Variants in GRIK3 observed in about 807,000 individuals in gnomAD.
GRIK3 encodes the protein glutamate ionotropic receptor kainate type subunit 3.
A neutral mutation model predicts 102.5 loss-of-function variants in GRIK3; 29 were observed. The observed-to-expected ratio is 0.28, with a 90% CI of 0.21 to 0.39. The LOEUF (loss-of-function observed/expected upper bound fraction) is 0.39. Ranked by LOEUF, GRIK3 falls within the 10% of genes least tolerant of loss-of-function variation. GRIK3 has a pLI of 1.00. For missense variants in GRIK3, 908 were observed against 1,252.4 expected, an observed-to-expected ratio of 0.73 and a Z score of 4.15; for synonymous variants, 511 against 504.9, an observed-to-expected ratio of 1.01 and a Z score of -0.16.
At chr1:36,832,078 GACTGCTCT>G (rs35349570) in intron 10 of GRIK3, among the ~76,000 whole-genome samples, 152,115 of 152,160 alleles carry the variant, frequency 1, 76,035 homozygotes, top group Middle Eastern at 1. Context: ...ACTCCCTGGC[GACTGCTCT>G]ACTGCTCTCA....
At chr1:36,925,339 G>A (rs1332571486) in intron 1 of GRIK3, among the ~76,000 whole-genome samples, 1 of 152,218 alleles carries the variant, frequency 6.6e-6, no homozygotes, top group Non-Finnish European at 1.5e-5. Flanking sequence ...ATCCCTCCTG[G>A]CAGAAGTACT....
chr1:36,957,015 C>A (rs1186842648), intron 1 of GRIK3, among the ~76,000 whole-genome samples: 2 of 152,270 alleles, frequency 1.3e-5, no homozygotes, highest in Non-Finnish European at 2.9e-5. Flanking sequence ...AGGAGCAAGA[C>A]CCCCTCTGCT....
intron 5 of GRIK3, among the ~76,000 whole-genome samples, chr1:36,864,338 T>C (rs1640759873): frequency 6.6e-6 from 1 of 152,202 alleles, no homozygotes; most frequent in African/African-American, 2.4e-5. Flanking sequence ...GGGCCAGGGC[T>C]GACCTGCTGC....
In GRIK3 at chr1:36,872,196, G is replaced by C. The variant is rs780455228; in HGVS notation, c.724C>G (p.Leu242Val). The C allele has an allele frequency of 6.3e-7, 1 of 1,593,134 alleles. No homozygotes were observed. The change falls in exon 4 of 16, where the codon CTC becomes GTC. Residue 242 changes from leucine to valine, a missense_variant. This residue lies in a region of GRIK3 where 585 missense variants were observed against 824.9 expected (regional missense o/e 0.71). Coordinates refer to ENST00000373091, the MANE Select transcript of GRIK3 (RefSeq NM_000831.4). This position sits in a 1 kb window ranked among gnomAD's most constrained non-coding sequence, Gnocchi z 5.9. ...DCSHTMAAQILKQAMAMGMMT... is the reference protein window; with the variant it reads ...DCSHTMAAQIVKQAMAMGMMT... The stretch of plus-strand genomic sequence containing the variant: ...GGCCAGCACTCACGCACCTGCTTGA[G>C]GATCTGGGCCGCCATAGTGTGGCTG...
intron 1 of GRIK3, among the ~76,000 whole-genome samples, chr1:36,917,972 T>C (rs556825029): frequency 3.2e-4 from 49 of 152,338 alleles, no homozygotes; most frequent in African/African-American, 1.2e-3. Flanking sequence ...GGCCAGCAGC[T>C]GCATTTGCAG....
intron 1 of GRIK3, among the ~76,000 whole-genome samples, chr1:36,990,144 C>G (rs552279068): frequency 6.6e-6 from 1 of 152,072 alleles, no homozygotes; most frequent in African/African-American, 2.4e-5. Context: ...TCCAGAAACC[C>G]GGACCTGCCT....
chr1:37,031,297 C>T (rs1216050838), intron 1 of GRIK3, among the ~76,000 whole-genome samples: 1 of 151,122 alleles, frequency 6.6e-6, no homozygotes, highest in East Asian at 1.9e-4. Context: ...CTCTCCCTCA[C>T]TCTCTTTTGT....
intron 1 of GRIK3, among the ~76,000 whole-genome samples, chr1:36,977,235 G>A (rs1016128462): frequency 1.3e-5 from 2 of 152,200 alleles, no homozygotes; most frequent in Non-Finnish European, 2.9e-5. Flanking sequence ...TCCTTATAGG[G>A]TAACAAATGA....
intron 13 of GRIK3, among the ~76,000 whole-genome samples, chr1:36,807,158 T>C (rs957730919): frequency 6.6e-6 from 1 of 152,014 alleles, no homozygotes; most frequent in African/African-American, 2.4e-5. Flanking sequence ...CACTGTTGCT[T>C]GAGCAGAATC....
intron 5 of GRIK3, among the ~76,000 whole-genome samples, chr1:36,864,357 A>C (rs745877120): frequency 6.6e-6 from 1 of 152,170 alleles, no homozygotes; most frequent in Non-Finnish European, 1.5e-5. Context: ...GCGACCATGG[A>C]AGAGAAGCTG....
At chr1:36,824,966 T>C (rs1642739706) in intron 11 of GRIK3, among the ~76,000 whole-genome samples, 1 of 152,172 alleles carries the variant, frequency 6.6e-6, no homozygotes, top group Non-Finnish European at 1.5e-5. Context: ...CAGAGCACAG[T>C]GCTTGGCGAG....
chr1:36,848,922 T>C (rs886795651), intron 9 of GRIK3, among the ~76,000 whole-genome samples: 18 of 149,366 alleles, frequency 1.2e-4, no homozygotes, highest in African/African-American at 3.8e-4. Flanking sequence ...GGGAAGAAGA[T>C]AGTAGGGGTC....
chr1:36,847,287 A>T (rs1208355996), intron 9 of GRIK3, among the ~76,000 whole-genome samples: 1 of 152,242 alleles, frequency 6.6e-6, no homozygotes, highest in African/African-American at 2.4e-5. Context: ...TAATGCCTCC[A>T]ATGGCCAGCT....
At chr1:36,874,371 G>A (rs1311932638) in intron 3 of GRIK3, among the ~76,000 whole-genome samples, 1 of 152,186 alleles carries the variant, frequency 6.6e-6, no homozygotes, top group Admixed American at 6.5e-5. Flanking sequence ...GCTTTGCCAT[G>A]ACTGGGCATC....
rs756128541 is a variant in GRIK3 at position 36,805,110 on chromosome 1, A to G, written c.2442T>C (p.Ser814=). 1.2e-6 allele frequency: 2 copies of G among 1,614,196 alleles called. No individual in the cohort carries two copies. The highest frequency in any genetic ancestry group is 1.7e-6 in the Non-Finnish European group (2 of 1,180,034). ...CCCCGATCTTCTGGATCCCCAGGGCACTGGCCTCTTTGTTTTCCTCCTCAG... is the reference window on the plus strand; with the variant it reads ...CCCCGATCTTCTGGATCCCCAGGGCGCTGGCCTCTTTGTTTTCCTCCTCAG... ...GCPEEENKEA[S]ALGIQKIGGI... The change falls in exon 15 of 16, where the codon AGT becomes AGC. Residue 814 remains serine (S), a synonymous_variant. Coordinates refer to ENST00000373091, the MANE Select transcript of GRIK3 (RefSeq NM_000831.4).
rs2124100066 is a variant in GRIK3 at position 37,034,233 on chromosome 1, C to T, written c.-125G>A. 5.7e-6 allele frequency: 1 copy of T among 176,172 alleles called. No homozygotes were observed. Among genetic ancestry groups the T allele is most frequent in the East Asian group, 1.7e-4 (1 of 5,872 alleles). 10.9% of individuals were successfully genotyped at this position (176,172 alleles called of 1,614,324 possible). A position where few individuals can be genotyped will look rare whatever the true frequency, so the allele number is the denominator to read the frequency against. ...GGCCCAGCCGCCCGGCTCCCGAGCG[C>T]CGCTGCAAGTGGGGGGCGCCCCGCG... On this transcript the variant is annotated 5_prime_UTR_variant, in exon 1 of 16. Transcript: ENST00000373091.
chr1:36,846,671 G>A (rs1232820263), intron 9 of GRIK3, among the ~76,000 whole-genome samples: 1 of 152,218 alleles, frequency 6.6e-6, no homozygotes, highest in Admixed American at 6.5e-5. Flanking sequence ...AGCCACAGTG[G>A]CTGGGGCTGG....
intron 1 of GRIK3, among the ~76,000 whole-genome samples, chr1:36,942,513 T>C (rs2991948): frequency 0.26 from 39,779 of 152,044 alleles, 6,618 homozygotes; most frequent in African/African-American, 0.47. Context: ...TAGAAGGAGC[T>C]AGGGAGGCTG....
intron 6 of GRIK3, 149 bp downstream of exon 6, chr1:36,859,695 C>A: frequency 1.5e-6 from 1 of 675,780 alleles, no homozygotes. Flanking sequence ...ACGTTTGTGT[C>A]CCCAATCCCT....
Sources: gnomAD v4.1 joint callset for allele counts (sites outside exome capture counted in the v4.1 genomes callset) on GRCh38, gnomAD v4.1.1 for gene constraint, gnomAD v4.1.1 regional missense constraint, Gnocchi (gnomAD v3.1) non-coding constraint, MANE v1.5 for transcripts, NCBI Gene and HGNC (gene_info 2026-07-23, HGNC 2026-07-21) for gene names.